FLT1: variants seen among roughly 807,000 people sequenced by gnomAD.
FLT1 encodes fms related receptor tyrosine kinase 1.
FLT1 carries 49 observed loss-of-function variants against 156.3 expected under a neutral mutation model. That is an observed-to-expected ratio of 0.31 (90% CI 0.25 to 0.40). The LOEUF (loss-of-function observed/expected upper bound fraction) is 0.40. Among genes scored for constraint, FLT1 ranks in the 10% least tolerant of loss-of-function variants. The pLI, the probability that FLT1 is intolerant of heterozygous loss-of-function variation, is 1.00. For missense variants in FLT1, 1,322 were observed against 1,637.2 expected, an observed-to-expected ratio of 0.81 and a Z score of 3.32; for synonymous variants, 594 against 583.8, an observed-to-expected ratio of 1.02 and a Z score of -0.25.
chr13:28,314,169 C>T (rs1213968610), intron 25 of FLT1, among the ~76,000 whole-genome samples: 1 of 152,178 alleles, frequency 6.6e-6, no homozygotes, highest in East Asian at 1.9e-4. Flanking sequence ...GGCAGAGGCT[C>T]TGGGCTCGTC....
intron 10 of FLT1, among the ~76,000 whole-genome samples, chr13:28,413,028 G>A (rs1876408082): frequency 6.6e-6 from 1 of 152,130 alleles, no homozygotes; most frequent in African/African-American, 2.4e-5. Flanking sequence ...GATCCTGGAG[G>A]AGTGACTTTC....
chr13:28,490,660 G>A (rs1056997370), intron 1 of FLT1, among the ~76,000 whole-genome samples: 2 of 152,088 alleles, frequency 1.3e-5, no homozygotes, highest in African/African-American at 4.8e-5. Flanking sequence ...ATAAACGAAG[G>A]CCAATGGAGC....
chr13:28,321,979 G>A (rs978517915), intron 22 of FLT1, among the ~76,000 whole-genome samples: 6 of 152,148 alleles, frequency 3.9e-5, no homozygotes, highest in Non-Finnish European at 8.8e-5. Context: ...TCTGAGATTT[G>A]GGCCAGATTT....
Position 28,368,175 on chromosome 13 carries a change from C to T in FLT1, c.2117-10490G>A, listed in dbSNP as rs112467904. ...TTATTTATTTATTTGTTTTTTGAGACGGAGTTTCGCTCTTGTTGCCCAGGC... is the reference window on the plus strand; with the variant it reads ...TTATTTATTTATTTGTTTTTTGAGATGGAGTTTCGCTCTTGTTGCCCAGGC... On this transcript the variant is annotated intron_variant, in intron 14 of 29. Coordinates refer to ENST00000282397, the MANE Select transcript of FLT1 (RefSeq NM_002019.4). The T allele has an allele frequency of 7.3e-3, 3,346 of 457,506 alleles. 79 individuals are homozygous for T. Among genetic ancestry groups the T allele is most frequent in the Admixed American group, 0.065 (1,146 of 17,744 alleles). The allele number at this position is 457,506 out of a possible 1,614,324, so 28.3% of individuals were successfully genotyped here. A position where few individuals can be genotyped will look rare whatever the true frequency, so the allele number is the denominator to read the frequency against.
chr13:28,315,239 C>T (rs9513074), intron 25 of FLT1, among the ~76,000 whole-genome samples: 43,887 of 151,888 alleles, frequency 0.29, 8,622 homozygotes, highest in African/African-American at 0.56. Flanking sequence ...TTAATCAGTA[C>T]TATTCAATAC....
intron 10 of FLT1, among the ~76,000 whole-genome samples, chr13:28,410,084 G>A (rs142445004): frequency 6.6e-5 from 10 of 152,322 alleles, no homozygotes; most frequent in African/African-American, 2.4e-4. Context: ...ACTCAATGAA[G>A]TATAATGCAC....
intron 10 of FLT1, among the ~76,000 whole-genome samples, chr13:28,406,863 T>C (rs1177051160): frequency 6.6e-6 from 1 of 152,080 alleles, no homozygotes; most frequent in African/African-American, 2.4e-5. Flanking sequence ...GAATGACTTA[T>C]GTGAGAGGAA....
intron 1 of FLT1, among the ~76,000 whole-genome samples, chr13:28,474,497 C>CACACACACACACACACACACACACACAG (rs1436669123): frequency 4.5e-5 from 6 of 132,252 alleles, no homozygotes; most frequent in Admixed American, 9.3e-5. Flanking sequence ...CACACACACA[C>CACACACACACACACACACACACACACAG]ACACACACAC....
At chr13:28,479,777 C>A (rs1261637618) in intron 1 of FLT1, among the ~76,000 whole-genome samples, 1 of 152,062 alleles carries the variant, frequency 6.6e-6, no homozygotes, top group African/African-American at 2.4e-5. Flanking sequence ...GGATATATAC[C>A]CATACACCTT....
At chr13:28,488,061 C>A (rs1352804789) in intron 1 of FLT1, among the ~76,000 whole-genome samples, 1 of 151,700 alleles carries the variant, frequency 6.6e-6, no homozygotes, top group African/African-American at 2.4e-5. Flanking sequence ...CAGGTCTAGT[C>A]CCTTAGTCAC....
intron 3 of FLT1, among the ~76,000 whole-genome samples, chr13:28,441,030 C>A (rs1192360115): frequency 6.6e-6 from 1 of 152,054 alleles, no homozygotes; most frequent in African/African-American, 2.4e-5. Flanking sequence ...AGACCGTCTC[C>A]CAACAGATAG....
intron 3 of FLT1, among the ~76,000 whole-genome samples, chr13:28,438,915 G>C (rs933837058): frequency 3.3e-5 from 5 of 152,202 alleles, no homozygotes; most frequent in African/African-American, 1.2e-4. Flanking sequence ...AGCTGCTTAG[G>C]GGGAGGCGGA....
intron 14 of FLT1, among the ~76,000 whole-genome samples, chr13:28,375,029 C>G (rs2137434643): frequency 6.6e-6 from 1 of 152,228 alleles, no homozygotes; most frequent in African/African-American, 2.4e-5. Flanking sequence ...GGAGGCTTTT[C>G]TGGGCTGAAT....
chr13:28,345,518 G>A lies in FLT1; in HGVS notation c.2282C>T (p.Thr761Ile), dbSNP rs761917318. ...TSDKSNLELITLTCTCVAATL... is the reference protein window; with the variant it reads ...TSDKSNLELIILTCTCVAATL... ...CGCAGCCACACAGGTGCATGTTAGA[G>A]TGATCAGCTCCAGATTAGACTTGTC... The change falls in exon 16 of 30, where the codon ACT becomes ATT. Residue 761 changes from threonine to isoleucine, a missense_variant. Transcript: ENST00000282397. The A allele has an allele frequency of 1.9e-6, 3 of 1,612,698 alleles. No homozygotes were observed. Among genetic ancestry groups the A allele is most frequent in the Non-Finnish European group, 2.5e-6 (3 of 1,179,064 alleles).
intron 10 of FLT1, among the ~76,000 whole-genome samples, chr13:28,412,962 C>T (rs1876403184): frequency 6.6e-6 from 1 of 152,114 alleles, no homozygotes; most frequent in African/African-American, 2.4e-5. Context: ...TCCTGCTCCT[C>T]TTGCTCCAGG....
intron 3 of FLT1, among the ~76,000 whole-genome samples, chr13:28,454,626 C>A (rs1448214291): frequency 1.3e-5 from 2 of 152,180 alleles, no homozygotes; most frequent in Admixed American, 6.5e-5. Flanking sequence ...TACTTTCCAA[C>A]ATCACACTGG....
rs1345181007 is a variant in FLT1, at chr13:28,301,747, G to A, written c.*1420C>T. On this transcript the variant is annotated 3_prime_UTR_variant, in exon 30 of 30. Transcript: ENST00000282397. ...GATCTTTAGACCCTGAAGAGTAGGC[G>A]CCCTTTCCTACCCTGTCTCCCTATT... 2.6e-5 allele frequency: 6 copies of A among 233,128 alleles called. No homozygotes were observed. The highest frequency in any genetic ancestry group is 5.6e-5 in the Admixed American group (1 of 17,758). The allele number at this position is 233,128 out of a possible 1,614,324, so 14.4% of individuals were successfully genotyped here.
At chr13:28,304,891 A>G (rs904322386) in intron 29 of FLT1, among the ~76,000 whole-genome samples, 3 of 152,208 alleles carry the variant, frequency 2.0e-5, no homozygotes, top group Admixed American at 6.5e-5. Flanking sequence ...TGACAATATT[A>G]TATTGTGTGG....
chr13:28,304,355 C>T lies in FLT1; in HGVS notation c.3816-987G>A, dbSNP rs188855720. 7.9e-5 allele frequency among the ~76,000 whole-genome samples: 12 copies of T among 152,286 alleles called. No individual in the cohort carries two copies. In the East Asian group the frequency reaches 2.1e-3, roughly 27 times the overall value. Reference sequence around the variant, plus strand: ...ACTGTGCTCATGTGAAAAGGAAACACACACGCAGATGTTTGCCTGGAAATG... The same window carrying T: ...ACTGTGCTCATGTGAAAAGGAAACATACACGCAGATGTTTGCCTGGAAATG... On this transcript the variant is annotated intron_variant, in intron 29 of 29. Coordinates refer to ENST00000282397, the MANE Select transcript of FLT1 (RefSeq NM_002019.4).
Sources: gnomAD v4.1 joint callset for allele counts (sites outside exome capture counted in the v4.1 genomes callset) on GRCh38, gnomAD v4.1.1 for gene constraint, MANE v1.5 for transcripts, NCBI Gene and HGNC (gene_info 2026-07-23, HGNC 2026-07-21) for gene names.